Variants in LCORL observed in about 807,000 individuals in gnomAD.
The protein encoded by LCORL is ligand dependent nuclear receptor corepressor like, also known as ligand-dependent nuclear receptor corepressor-like protein.
In LCORL, 41 loss-of-function variants were observed where a neutral mutation model predicts 141.8. That is an observed-to-expected ratio of 0.29 (90% confidence interval 0.23 to 0.38). LCORL has a LOEUF of 0.38. Ranked by LOEUF, LCORL falls within the 10% of genes least tolerant of loss-of-function variation. LCORL has a pLI of 1.00. For missense variants in LCORL, 1,759 were observed against 2,035.0 expected, an observed-to-expected ratio of 0.86 and a Z score of 2.61; for synonymous variants, 618 against 694.1, an observed-to-expected ratio of 0.89 and a Z score of 1.72.
At chr4:17,845,586 A>G in exon 8 of LCORL, 1 of 533,908 alleles carries the variant, frequency 1.9e-6, no homozygotes, top group Non-Finnish European at 3.1e-6. Context: ...AATATAATCA[A>G]AATGATTAAT....
chr4:17,920,804 T>C (rs541183797), intron 4 of LCORL, among the ~76,000 whole-genome samples: 1 of 152,352 alleles, frequency 6.6e-6, no homozygotes, highest in East Asian at 1.9e-4. Flanking sequence ...CAACTCTTCA[T>C]CTGTTAAAGT....
chr4:17,883,299 T>C (rs1727825759), intron 6 of LCORL: 1 of 992,252 alleles, frequency 1.0e-6, no homozygotes, highest in Non-Finnish European at 1.2e-6. Context: ...GTATAGAATG[T>C]TTATAAACTA....
intron 4 of LCORL, among the ~76,000 whole-genome samples, chr4:17,946,955 C>T (rs1462862189): frequency 1.3e-5 from 2 of 151,948 alleles, no homozygotes; most frequent in African/African-American, 4.8e-5. Flanking sequence ...GATGGAAGTT[C>T]CTCAGAAAAA....
chr4:17,896,943 A>G (rs1468192271), intron 5 of LCORL, among the ~76,000 whole-genome samples: 2 of 151,522 alleles, frequency 1.3e-5, no homozygotes, highest in Admixed American at 6.6e-5. Context: ...TTTAATTTTT[A>G]GCTCCCACAA....
chr4:17,998,189 T>C (rs1043301041), intron 1 of LCORL, among the ~76,000 whole-genome samples: 2 of 152,210 alleles, frequency 1.3e-5, no homozygotes, highest in Non-Finnish European at 2.9e-5. Context: ...TTACCATGAA[T>C]GGAGCTTGAA....
At chr4:17,974,287 A>G (rs138997561) in intron 1 of LCORL, among the ~76,000 whole-genome samples, 24 of 152,036 alleles carry the variant, frequency 1.6e-4, no homozygotes, top group Non-Finnish European at 3.2e-4. Context: ...TCCGCATTTT[A>G]TGTCTCTTTA....
At chr4:17,893,282 T>C in intron 5 of LCORL, 1 of 666,548 alleles carries the variant, frequency 1.5e-6, no homozygotes, top group Non-Finnish European at 1.9e-6. Context: ...AAGTAAAAAT[T>C]AAGATTGAGT....
At chr4:18,004,224 C>T (rs969516402) in intron 1 of LCORL, among the ~76,000 whole-genome samples, 3 of 152,292 alleles carry the variant, frequency 2.0e-5, no homozygotes, top group South Asian at 2.1e-4. Context: ...AATGAAAATA[C>T]ATGTATTATG....
intron 4 of LCORL, among the ~76,000 whole-genome samples, chr4:17,936,699 TGA>T (rs1451504026): frequency 6.6e-6 from 1 of 152,224 alleles, no homozygotes; most frequent in African/African-American, 2.4e-5. Flanking sequence ...AGATATTTTA[TGA>T]GAGGTTAACG....
chr4:17,991,982 G>A (rs1376375224), intron 1 of LCORL, among the ~76,000 whole-genome samples: 2 of 152,096 alleles, frequency 1.3e-5, no homozygotes, highest in African/African-American at 4.8e-5. Context: ...ACCTAAAGGG[G>A]AGCAGAGGTA....
intron 1 of LCORL, among the ~76,000 whole-genome samples, chr4:17,988,494 CTTTCT>C (rs1046879282): frequency 2.6e-5 from 4 of 152,100 alleles, no homozygotes; most frequent in Non-Finnish European, 4.4e-5. Flanking sequence ...GTTTCTTTGA[CTTTCT>C]TTTTAGACTT....
intron 2 of LCORL, among the ~76,000 whole-genome samples, chr4:17,964,963 C>T (rs937250700): frequency 8.0e-5 from 12 of 150,518 alleles, no homozygotes; most frequent in South Asian, 2.1e-4. Context: ...AATAGCTGTA[C>T]GGTTTCATAA....
chr4:17,875,220 C>T, exon 7 of LCORL: 1 of 1,231,576 alleles, frequency 8.1e-7, no homozygotes, highest in Non-Finnish European at 1.0e-6. Flanking sequence ...CACAGATATG[C>T]CAGAGATTTT....
intron 1 of LCORL, among the ~76,000 whole-genome samples, chr4:17,989,225 G>A (rs1719552700): frequency 6.6e-6 from 1 of 152,108 alleles, no homozygotes; most frequent in Non-Finnish European, 1.5e-5. Context: ...AACAAAACTG[G>A]TAATAATGAG....
At chr4:17,962,755 T>TA (rs150200384) in intron 3 of LCORL, among the ~76,000 whole-genome samples, 7,179 of 150,528 alleles carry the variant, frequency 0.048, 314 homozygotes, top group African/African-American at 0.11. Context: ...AATAAATAAG[T>TA]AAAAAAAAAG....
chr4:17,960,064 A>T (rs1268595542), intron 4 of LCORL, among the ~76,000 whole-genome samples: 1 of 152,176 alleles, frequency 6.6e-6, no homozygotes, highest in Non-Finnish European at 1.5e-5. Flanking sequence ...CAAATTTAAA[A>T]AGCCCAAGTA....
chr4:17,847,118 T>C (rs1435551906), intron 7 of LCORL, among the ~76,000 whole-genome samples: 3 of 152,184 alleles, frequency 2.0e-5, no homozygotes, highest in Non-Finnish European at 4.4e-5. Context: ...GAATACGCCA[T>C]CCCTAGTTTT....
In LCORL at chr4:17,877,782, A is replaced by G. The variant is rs577282875; in HGVS notation, c.1208T>C (p.Leu403Ser). Residue 403 changes from leucine (L) to serine (S), a missense_variant, in exon 7 of 8, where the codon TTA (leucine) becomes TCA (serine). Leu to Ser is a moderately radical substitution (Grantham distance 145, BLOSUM62 -2). Transcript: ENST00000635767. ...TGATTTTGTAGAGTGAATGTTTGGTAACAGTCCAGAACAGCACCTGTGAGA... is the reference window on the plus strand; with the variant it reads ...TGATTTTGTAGAGTGAATGTTTGGTGACAGTCCAGAACAGCACCTGTGAGA... 1.7e-5 allele frequency: 21 copies of G among 1,230,612 alleles called. 2 individuals are homozygous for G. The highest frequency in any genetic ancestry group is 3.1e-4 in the Middle Eastern group (1 of 3,200). 76.2% of individuals were successfully genotyped at this position (1,230,612 alleles called of 1,614,324 possible).
intron 4 of LCORL, among the ~76,000 whole-genome samples, chr4:17,955,989 G>A (rs532868236): frequency 1.1e-3 from 165 of 152,114 alleles, no homozygotes; most frequent in African/African-American, 3.8e-3. Flanking sequence ...TAAAAAGTGG[G>A]CAAATGACCT....
Sources: allele counts gnomAD v4.1 joint callset (sites outside exome capture counted in the v4.1 genomes callset), GRCh38; gene constraint gnomAD v4.1.1; transcripts MANE v1.5; gene names NCBI Gene and HGNC (gene_info 2026-07-23, HGNC 2026-07-21).